Variants in GADL1 observed in about 807,000 individuals in gnomAD.
GADL1 encodes GAD like acidic amino acid decarboxylase 1, also known as acidic amino acid decarboxylase GADL1.
Under a neutral mutation model 69.5 loss-of-function variants are expected in GADL1, and 71 were observed. The observed-to-expected ratio is 1.02, with a 90% confidence interval of 0.84 to 1.25. The LOEUF (loss-of-function observed/expected upper bound fraction) is 1.25. Ranked by LOEUF, GADL1 falls within the 50% of genes most tolerant of loss-of-function variation. The pLI is 0.00. For missense variants in GADL1, 737 were observed against 631.8 expected, an observed-to-expected ratio of 1.17 and a Z score of -1.79; for synonymous variants, 254 against 214.4, an observed-to-expected ratio of 1.18 and a Z score of -1.62.
chr3:30,741,297 T>G (rs1431320210), intron 14 of GADL1, among the ~76,000 whole-genome samples: 2 of 150,878 alleles, frequency 1.3e-5, no homozygotes, highest in African/African-American at 2.4e-5. Context: ...TTTTCTGATT[T>G]GATTATGACA....
At chr3:30,769,937 G>T (rs966775678) in intron 14 of GADL1, among the ~76,000 whole-genome samples, 4 of 43,892 alleles carry the variant, frequency 9.1e-5, no homozygotes, top group Non-Finnish European at 1.6e-4. Flanking sequence ...ACGAATTTAG[G>T]TAAGATATTA....
intron 3 of GADL1, 49 bp from the exon 4 acceptor site, chr3:30,854,838 A>C (rs1698203257): frequency 1.1e-6 from 1 of 900,366 alleles, no homozygotes; most frequent in Non-Finnish European, 1.8e-6. Flanking sequence ...AAAAAAAAAA[A>C]CTACTGATAC....
At chr3:30,801,609 T>G (rs1697167038) in intron 11 of GADL1, among the ~76,000 whole-genome samples, 2 of 152,208 alleles carry the variant, frequency 1.3e-5, no homozygotes, top group Admixed American at 6.5e-5. Context: ...CAACAAGTTT[T>G]CACTACCACA....
At chr3:30,774,911 C>CT (rs923073834) in intron 14 of GADL1, among the ~76,000 whole-genome samples, 2 of 152,042 alleles carry the variant, frequency 1.3e-5, no homozygotes, top group Middle Eastern at 3.4e-3. Context: ...TAAAGAGGGG[C>CT]TTGACGGTAA....
intron 2 of GADL1, 114 bp from the exon 3 acceptor site, chr3:30,857,255 A>T (rs560177206): frequency 2.4e-6 from 2 of 823,556 alleles, no homozygotes; most frequent in South Asian, 3.5e-5. Context: ...TGATTTAAAC[A>T]TGCAACTATA....
At chr3:30,842,724 G>A (rs1046328672) in intron 8 of GADL1, among the ~76,000 whole-genome samples, 1 of 147,114 alleles carries the variant, frequency 6.8e-6, no homozygotes, top group Non-Finnish European at 1.5e-5. Flanking sequence ...TCAGCAGAAC[G>A]AACTTACAAG....
chr3:30,857,244 G>T (rs977221588), intron 2 of GADL1, 103 bp from the exon 3 acceptor site: 2 of 972,616 alleles, frequency 2.1e-6, no homozygotes, highest in Non-Finnish European at 1.5e-6. Context: ...TGGGCAGCGG[G>T]TGATTTAAAC....
chr3:30,861,759 A>G lies in GADL1; in HGVS notation c.44T>C (p.Ile15Thr), dbSNP rs922363876. Residue 15 changes from isoleucine to threonine, a missense_variant, in exon 2 of 15, where the codon ATT becomes ACT. Coordinates refer to ENST00000282538, the MANE Select transcript of GADL1 (RefSeq NM_207359.3). ...ACTTGGAATCATCTCTTGTTGATCA[A>G]TATCTCCTGGAAGCAAGCAAACAAA... ...SDRQCPVDGD[I>T]DQQEMIPSKK... 45 of 1,543,616 alleles carry G rather than the reference A, an allele frequency of 2.9e-5. No homozygotes were observed. The highest frequency in any genetic ancestry group is 1.2e-4 in the Admixed American group (6 of 49,936).
At chr3:30,784,882 G>C (rs532751068) in intron 13 of GADL1, among the ~76,000 whole-genome samples, 2 of 152,240 alleles carry the variant, frequency 1.3e-5, no homozygotes, top group East Asian at 1.9e-4. Flanking sequence ...TCCATCACCT[G>C]CTGCACACTC....
chr3:30,770,668 C>T (rs958338536), intron 14 of GADL1, among the ~76,000 whole-genome samples: 2 of 152,110 alleles, frequency 1.3e-5, no homozygotes, highest in Non-Finnish European at 2.9e-5. Context: ...CCCATGAGCT[C>T]AGAGAACTGG....
rs527823597 is a variant in GADL1 at position 30,845,850 on chromosome 3, AT to A, written c.652-1385del. ...AGCTCTGGCAACCAAACAGCTATTG[AT>A]TTCATAATGATAAATGCTAGCCTAC... On this transcript the variant is annotated intron_variant, in intron 6 of 14. Coordinates refer to ENST00000282538, the MANE Select transcript of GADL1 (RefSeq NM_207359.3). 1.4e-3 allele frequency among the ~76,000 whole-genome samples: 206 copies of A among 152,288 alleles called. 1 individual carries two copies. Among genetic ancestry groups the A allele is most frequent in the African/African-American group, 4.7e-3 (197 of 41,568 alleles).
At chr3:30,805,596 A>AC (rs1428950143) in intron 11 of GADL1, among the ~76,000 whole-genome samples, 2 of 152,094 alleles carry the variant, frequency 1.3e-5, no homozygotes, top group African/African-American at 4.8e-5. Context: ...ATGAATCCGT[A>AC]GGTTGTATAT....
chr3:30,849,940 C>G lies in GADL1; in HGVS notation c.651+56G>C, dbSNP rs1049750945. The stretch of plus-strand genomic sequence containing the variant: ...CACATCAGGAATCTTCAAACAAAGC[C>G]CTCTTAAATATGCTTTCTCAGAAAA... On this transcript the variant is annotated intron_variant, in intron 6 of 14. Coordinates refer to ENST00000282538, the MANE Select transcript of GADL1 (RefSeq NM_207359.3). 9 of 996,596 alleles carry G rather than the reference C, an allele frequency of 9.0e-6. No homozygotes were observed. The Admixed American group carries it at 1.6e-4, about 17-fold the overall frequency. The allele number at this position is 996,596 out of a possible 1,614,324, so 61.7% of individuals were successfully genotyped here. A position where few individuals can be genotyped will look rare whatever the true frequency, so the allele number is the denominator to read the frequency against.
At chr3:30,796,630 G>A (rs769145114) in intron 12 of GADL1, among the ~76,000 whole-genome samples, 1 of 152,028 alleles carries the variant, frequency 6.6e-6, no homozygotes, top group South Asian at 2.1e-4. Flanking sequence ...GACACTCTTT[G>A]CATCCATCTT....
chr3:30,854,101 C>G (rs1698190207), intron 4 of GADL1, among the ~76,000 whole-genome samples: 1 of 152,128 alleles, frequency 6.6e-6, no homozygotes, highest in Admixed American at 6.6e-5. Flanking sequence ...CATGCTGTGT[C>G]CTGCCACAGG....
At chr3:30,886,208 G>A (rs139447181) in intron 1 of GADL1, among the ~76,000 whole-genome samples, 39 of 152,106 alleles carry the variant, frequency 2.6e-4, no homozygotes, top group South Asian at 6.2e-4. Context: ...GTACTTGATC[G>A]CCTAATAAGA....
intron 12 of GADL1, among the ~76,000 whole-genome samples, chr3:30,792,679 C>G (rs941806721): frequency 3.9e-5 from 6 of 152,172 alleles, no homozygotes; most frequent in Non-Finnish European, 7.4e-5. Flanking sequence ...TAGCCATGCT[C>G]TGTGTTAGGG....
chr3:30,860,722 C>A (rs185495606), intron 2 of GADL1, among the ~76,000 whole-genome samples: 1 of 152,042 alleles, frequency 6.6e-6, no homozygotes. Context: ...TGTTGATAAT[C>A]CACCTCCAAC....
intron 13 of GADL1, among the ~76,000 whole-genome samples, chr3:30,783,930 C>T (rs1696731824): frequency 6.6e-6 from 1 of 152,082 alleles, no homozygotes; most frequent in Non-Finnish European, 1.5e-5. Context: ...TCATCACTTC[C>T]AGCTCTGTCA....
Sources: allele counts gnomAD v4.1 joint callset (sites outside exome capture counted in the v4.1 genomes callset), GRCh38; gene constraint gnomAD v4.1.1; transcripts MANE v1.5; gene names NCBI Gene and HGNC (gene_info 2026-07-23, HGNC 2026-07-21).